The following ZNF536 variants were observed in gnomAD, a reference collection of about 807,000 sequenced individuals.
The protein encoded by ZNF536 is zinc finger protein 536.
ZNF536 carries 13 observed loss-of-function variants against 84.5 expected under a neutral mutation model. That is an observed-to-expected ratio of 0.15 (90% confidence interval 0.10 to 0.24). ZNF536 has a LOEUF of 0.24. Among genes scored for constraint, ZNF536 ranks in the 10% least tolerant of loss-of-function variants. The pLI is 1.00. For synonymous variants in ZNF536, 811 were observed against 742.5 expected (o/e 1.09, Z -1.50); for missense variants, 1,536 against 1,747.5 (o/e 0.88, Z 2.16).
chr19:30,625,968 A>AT (rs937189845), intron 1 of ZNF536, among the ~76,000 whole-genome samples: 8 of 152,260 alleles, frequency 5.3e-5, no homozygotes, highest in African/African-American at 1.7e-4. Flanking sequence ...TTTTAAAATG[A>AT]TTTTTTTCCA....
chr19:30,576,390 G>T (rs2046737605), intron 1 of ZNF536, among the ~76,000 whole-genome samples: 1 of 152,176 alleles, frequency 6.6e-6, no homozygotes, highest in African/African-American at 2.4e-5. Context: ...GCTATCTCAA[G>T]CCCCACCTGG....
chr19:30,508,182 C>T (rs1181849386), intron 2 of ZNF536, among the ~76,000 whole-genome samples: 1 of 152,190 alleles, frequency 6.6e-6, no homozygotes, highest in Non-Finnish European at 1.5e-5. Context: ...TTTTACCATT[C>T]ACCGATTGCC....
At chr19:30,504,698 C>T (rs1161701209) in intron 2 of ZNF536, among the ~76,000 whole-genome samples, 6 of 145,668 alleles carry the variant, frequency 4.1e-5, no homozygotes, top group African/African-American at 1.0e-4. Flanking sequence ...CCCATGAGTA[C>T]CCACCCACTG....
intron 2 of ZNF536, among the ~76,000 whole-genome samples, chr19:30,505,632 A>G (rs1481524445): frequency 1.3e-5 from 2 of 152,036 alleles, no homozygotes; most frequent in East Asian, 3.9e-4. Context: ...TGACTCCTTT[A>G]CTGTGGAAGT....
chr19:30,438,956 G>C (rs536576592), intron 1 of ZNF536, among the ~76,000 whole-genome samples: 1 of 152,108 alleles, frequency 6.6e-6, no homozygotes, highest in Non-Finnish European at 1.5e-5. Flanking sequence ...GAGCCGCTGC[G>C]TCTGGTCCCT....
intron 2 of ZNF536, among the ~76,000 whole-genome samples, chr19:30,342,364 C>T (rs553848511): frequency 1.3e-5 from 2 of 152,178 alleles, no homozygotes; most frequent in East Asian, 3.9e-4. Context: ...CATTTTGGCC[C>T]ATTCACAACT....
intron 1 of ZNF536, among the ~76,000 whole-genome samples, chr19:30,408,859 ATCCATCGATCTTCTATCCATCCT>A (rs2050371105): frequency 1.5e-5 from 1 of 67,496 alleles, no homozygotes; most frequent in African/African-American, 5.1e-5. Flanking sequence ...TCCATCCTCC[ATCCATCGATCTTCTATCCATCCT>A]TCATCTATCA....
intron 1 of ZNF536, among the ~76,000 whole-genome samples, chr19:30,689,915 G>A (rs6510176): frequency 0.18 from 27,423 of 152,192 alleles, 2,538 homozygotes; most frequent in South Asian, 0.22. Flanking sequence ...AAATTTCAGC[G>A]TGGCTTTTCA....
intron 2 of ZNF536, among the ~76,000 whole-genome samples, chr19:30,452,386 G>A (rs536115411): frequency 5.9e-5 from 9 of 152,348 alleles, no homozygotes; most frequent in African/African-American, 2.2e-4. Flanking sequence ...GGTAAGGTAA[G>A]ACTTTCTTCC....
intron 2 of ZNF536, among the ~76,000 whole-genome samples, chr19:30,338,216 A>G (rs551283235): frequency 3.4e-4 from 51 of 151,938 alleles, no homozygotes; most frequent in African/African-American, 1.2e-3. Flanking sequence ...GGTGGTGGTG[A>G]TTATAACAAT....
chr19:30,533,572 A>G (rs974235211), intron 2 of ZNF536, among the ~76,000 whole-genome samples: 1 of 152,156 alleles, frequency 6.6e-6, no homozygotes, highest in Non-Finnish European at 1.5e-5. Flanking sequence ...CTCATGGTCT[A>G]CAAGTCTGCC....
chr19:30,233,139 T>C (rs1368561560), intron 1 of ZNF536, among the ~76,000 whole-genome samples: 1 of 152,048 alleles, frequency 6.6e-6, no homozygotes, highest in Non-Finnish European at 1.5e-5. Flanking sequence ...CATGGATGAA[T>C]TGTATCTGAG....
At chr19:30,446,327 A>T (rs1344003068) in intron 2 of ZNF536, among the ~76,000 whole-genome samples, 2 of 150,840 alleles carry the variant, frequency 1.3e-5, no homozygotes, top group African/African-American at 4.9e-5. Context: ...GCCAGGTGGT[A>T]CATTTTTCAG....
Position 30,443,643 on chromosome 19 carries a change from C to G in ZNF536, c.81C>G (p.Asn27Lys), listed in dbSNP as rs1346301084. ...AEPHLSGPVL[N>K]GQYAMSQKLH... ...CCCACCTGAGTGGCCCCGTCCTCAACGGCCAGTATGCCATGAGTCAGAAGC... is the reference window on the plus strand; with the variant it reads ...CCCACCTGAGTGGCCCCGTCCTCAAGGGCCAGTATGCCATGAGTCAGAAGC... The change falls in exon 2 of 5, where the codon AAC becomes AAG. Residue 27 changes from asparagine to lysine, a missense_variant. Asn to Lys is a moderately conservative substitution (Grantham distance 94). Around this residue, in one of 8 missense-constraint regions of ZNF536, gnomAD observed 161 missense variants for 178.5 expected, o/e 0.90. Coordinates refer to ENST00000355537, the MANE Select transcript of ZNF536 (RefSeq NM_014717.3). The G allele has an allele frequency of 6.2e-7, 1 of 1,612,774 alleles. No homozygotes were observed. Among genetic ancestry groups the G allele is most frequent in the Non-Finnish European group, 8.5e-7 (1 of 1,179,470 alleles).
At chr19:30,666,366 G>A (rs575213775) in intron 1 of ZNF536, among the ~76,000 whole-genome samples, 72 of 152,176 alleles carry the variant, frequency 4.7e-4, no homozygotes, top group African/African-American at 1.7e-3. Flanking sequence ...CCTCCTGTCC[G>A]CTCTTCTTTT....
intron 2 of ZNF536, among the ~76,000 whole-genome samples, chr19:30,525,918 G>A (rs577296515): frequency 1.3e-5 from 2 of 152,180 alleles, no homozygotes; most frequent in Non-Finnish European, 2.9e-5. Flanking sequence ...GACACAGCTG[G>A]AGGTTATTCT....
At chr19:30,669,494 A>C (rs1033507966) in intron 1 of ZNF536, among the ~76,000 whole-genome samples, 1 of 152,188 alleles carries the variant, frequency 6.6e-6, no homozygotes, top group Non-Finnish European at 1.5e-5. Context: ...CCTGGAGAGT[A>C]GGGGACTGCC....
chr19:30,527,183 C>T (rs58970040), intron 2 of ZNF536, among the ~76,000 whole-genome samples: 5,346 of 142,172 alleles, frequency 0.038, 353 homozygotes, highest in African/African-American at 0.13. Context: ...TCCCAAAGTG[C>T]TGGGATTACA....
At chr19:30,245,881 T>C (rs1195648113) in intron 1 of ZNF536, among the ~76,000 whole-genome samples, 1 of 152,248 alleles carries the variant, frequency 6.6e-6, no homozygotes, top group Non-Finnish European at 1.5e-5. Context: ...GGCCTCTTGC[T>C]TGACATCAGT....
Sources: gnomAD v4.1 joint callset for allele counts (sites outside exome capture counted in the v4.1 genomes callset) on GRCh38, gnomAD v4.1.1 for gene constraint, gnomAD v4.1.1 regional missense constraint, MANE v1.5 for transcripts, NCBI Gene and HGNC (gene_info 2026-07-23, HGNC 2026-07-21) for gene names.